The following NIPAL3 variants were observed in gnomAD, a reference collection of about 807,000 sequenced individuals.
NIPAL3 encodes NIPA like domain containing 3, also known as NIPA-like protein 3.
A neutral mutation model predicts 47.2 loss-of-function variants in NIPAL3; 41 were observed. The ratio of observed to expected loss-of-function variants is 0.87; its 90% CI spans 0.68 to 1.13. NIPAL3 has a LOEUF of 1.13. Ranked by LOEUF, NIPAL3 falls within the 50% of genes most tolerant of loss-of-function variation. The pLI, the probability that NIPAL3 is intolerant of heterozygous loss-of-function variation, is 0.00. For missense variants in NIPAL3, 449 were observed against 530.1 expected, an observed-to-expected ratio of 0.85 and a Z score of 1.50; for synonymous variants, 194 against 209.6, an observed-to-expected ratio of 0.93 and a Z score of 0.64.
In NIPAL3 at chr1:24,454,338, C is replaced by A; in HGVS notation, c.637+834C>A. The A allele has an allele frequency of 9.1e-7, 1 of 1,095,494 alleles. No individual in the cohort carries two copies. Among genetic ancestry groups the A allele is most frequent in the East Asian group, 8.4e-5 (1 of 11,926 alleles). The allele number at this position is 1,095,494 out of a possible 1,614,324, so 67.9% of individuals were successfully genotyped here. ...CTCTTGAGTGGCCTCAGGCTAATGA[C>A]CCTCCCTCCTTAAGCCACGCTGTCC... On this transcript the variant is annotated intron_variant, in intron 7 of 11. Transcript: ENST00000374399. The surrounding 1 kb of genome is among the most constrained non-coding windows in gnomAD (Gnocchi z 4.1).
chr1:24,449,943 A>T lies in NIPAL3; in HGVS notation c.540+317A>T, dbSNP rs542359147. Among the ~76,000 whole-genome samples, 1 of 152,328 alleles carries T rather than the reference A, an allele frequency of 6.6e-6. No homozygotes were observed. The highest frequency in any genetic ancestry group is 2.4e-5 in the African/African-American group (1 of 41,580). On this transcript the variant is annotated intron_variant, in intron 6 of 11. Transcript: ENST00000374399. The surrounding 1 kb of genome is among the most constrained non-coding windows in gnomAD (Gnocchi z 4.5). Reference sequence around the variant, plus strand: ...CTCATTTTATACTCAACAGAAATGCATACATGTGTTTCTCAAATGACATGT... The same window carrying T: ...CTCATTTTATACTCAACAGAAATGCTTACATGTGTTTCTCAAATGACATGT...
chr1:24,460,471 G>T lies in NIPAL3; in HGVS notation c.863-10G>T. 1 of 1,585,590 alleles carries T rather than the reference G, an allele frequency of 6.3e-7. No individual in the cohort carries two copies. Among genetic ancestry groups the T allele is most frequent in the Non-Finnish European group, 8.6e-7 (1 of 1,168,426 alleles). On this transcript the variant is annotated splice_polypyrimidine_tract_variant and intron_variant, in intron 9 of 11. Coordinates refer to ENST00000374399, the MANE Select transcript of NIPAL3 (RefSeq NM_020448.5). ...AGCTCAGCGGTATTTTCTATGATTTGCTGCTGCAGGTGCAATATTTTACCT... is the reference window on the plus strand; with the variant it reads ...AGCTCAGCGGTATTTTCTATGATTTTCTGCTGCAGGTGCAATATTTTACCT...
intron 10 of NIPAL3, 73 bp downstream of exon 10, chr1:24,460,617 C>A: frequency 1.6e-6 from 2 of 1,258,418 alleles, no homozygotes; most frequent in Non-Finnish European, 1.1e-6. Flanking sequence ...CTCTCTCTCC[C>A]TTATTGCTAC....
rs1436471669 is a variant in NIPAL3, at chr1:24,451,815, G to T, written c.541-1593G>T. 6.6e-6 allele frequency among the ~76,000 whole-genome samples: 1 copy of T among 152,214 alleles called. No homozygotes were observed. The highest frequency in any genetic ancestry group is 6.5e-5 in the Admixed American group (1 of 15,282). On this transcript the variant is annotated intron_variant, in intron 6 of 11. Coordinates refer to ENST00000374399, the MANE Select transcript of NIPAL3 (RefSeq NM_020448.5). The surrounding 1 kb of genome is among the most constrained non-coding windows in gnomAD (Gnocchi z 4.5). ...ATGATTGACAGCACATCCACTTGATGAAGTATTCTGCAGCAATTAAAGATA... is the reference window on the plus strand; with the variant it reads ...ATGATTGACAGCACATCCACTTGATTAAGTATTCTGCAGCAATTAAAGATA...
At chr1:24,440,865 A>G (rs1403310982) in intron 3 of NIPAL3, among the ~76,000 whole-genome samples, 3 of 152,174 alleles carry the variant, frequency 2.0e-5, no homozygotes, top group African/African-American at 7.2e-5. Flanking sequence ...ATCCTCTGCT[A>G]GGATGATTCT....
Position 24,419,273 on chromosome 1 carries a change from T to A in NIPAL3, c.-257-18T>A. 1 of 1,117,446 alleles carries A rather than the reference T, an allele frequency of 8.9e-7. No homozygotes were observed. Among genetic ancestry groups the A allele is most frequent in the Non-Finnish European group, 1.1e-6 (1 of 913,858 alleles). The allele number at this position is 1,117,446 out of a possible 1,614,324, so 69.2% of individuals were successfully genotyped here. A position where few individuals can be genotyped will look rare whatever the true frequency, so the allele number is the denominator to read the frequency against. On this transcript the variant is annotated intron_variant, in intron 1 of 11. Coordinates refer to ENST00000374399, the MANE Select transcript of NIPAL3 (RefSeq NM_020448.5). ...TTCCTTGTCCATGCATTTTTAATGT[T>A]CCTCTCCACCACCCTAGAGCACCGC... is the stretch of plus-strand genomic sequence containing the variant.
intron 2 of NIPAL3, among the ~76,000 whole-genome samples, chr1:24,431,976 T>C (rs1644901031): frequency 6.6e-6 from 1 of 151,602 alleles, no homozygotes; most frequent in African/African-American, 2.4e-5. Flanking sequence ...GCCTTTCCTG[T>C]GTAGCCCTAA....
At position 24,454,718 on chromosome 1, in the gene NIPAL3, C is replaced by T. The variant is rs1016882435; in HGVS notation, c.637+1214C>T. The T allele has an allele frequency of 1.5e-5, 4 of 266,696 alleles. No homozygotes were observed. The highest frequency in any genetic ancestry group is 2.3e-5 in the Non-Finnish European group (4 of 172,826). The allele number at this position is 266,696 out of a possible 1,614,324, so 16.5% of individuals were successfully genotyped here. A position where few individuals can be genotyped will look rare whatever the true frequency, so the allele number is the denominator to read the frequency against. The stretch of plus-strand genomic sequence containing the variant: ...CCCTGTGCCCATTAGCAGTCACTCC[C>T]TGTTCCCCTTTTCCCAGCCTCAGGC... On this transcript the variant is annotated intron_variant, in intron 7 of 11. Coordinates refer to ENST00000374399, the MANE Select transcript of NIPAL3 (RefSeq NM_020448.5). This position sits in a 1 kb window ranked among gnomAD's most constrained non-coding sequence, Gnocchi z 4.1.
At chr1:24,456,774 G>A (rs1261861339) in intron 8 of NIPAL3, among the ~76,000 whole-genome samples, 1 of 152,092 alleles carries the variant, frequency 6.6e-6, no homozygotes, top group East Asian at 1.9e-4. Context: ...TTGTTTGTTT[G>A]TTTTTTGAGA....
At chr1:24,457,658 G>A (rs1646279121) in intron 8 of NIPAL3, 5 of 484,746 alleles carry the variant, frequency 1.0e-5, no homozygotes, top group Non-Finnish European at 2.1e-5. Context: ...GAAAGTGGCG[G>A]AGCTGAGATC....
At chr1:24,460,572 A>G (rs1646425017) in intron 10 of NIPAL3, 28 bp downstream of exon 10, 8 of 1,536,454 alleles carry the variant, frequency 5.2e-6, no homozygotes, top group Non-Finnish European at 7.0e-6. Flanking sequence ...TGCCAGCCCC[A>G]AAACATTGTG....
chr1:24,454,349 T>A lies in NIPAL3; in HGVS notation c.637+845T>A. On this transcript the variant is annotated intron_variant, in intron 7 of 11. Coordinates refer to ENST00000374399, the MANE Select transcript of NIPAL3 (RefSeq NM_020448.5). This position sits in a 1 kb window ranked among gnomAD's most constrained non-coding sequence, Gnocchi z 4.1. The stretch of plus-strand genomic sequence containing the variant: ...CCTCAGGCTAATGACCCTCCCTCCT[T>A]AAGCCACGCTGTCCACTTCTCTAAA... 6.4e-6 allele frequency: 7 copies of A among 1,085,726 alleles called. No individual in the cohort carries two copies. The highest frequency in any genetic ancestry group is 6.7e-6 in the Non-Finnish European group (6 of 889,004). 67.3% of individuals were successfully genotyped at this position (1,085,726 alleles called of 1,614,324 possible).
Position 24,440,228 on chromosome 1 carries a change from A to G in NIPAL3, c.150A>G (p.Ala50=). The change falls in exon 3 of 12, where the codon GCA becomes GCG. Residue 50 remains alanine (A), a synonymous_variant. Transcript: ENST00000374399. ...AIFGHLVVSI[A]LNLQKYCHIR... Reference sequence around the variant, plus strand: ...TCGGGCACCTCGTGGTCAGCATTGCACTTAACCTCCAGGTAAGTTTCAGTT... The same window carrying G: ...TCGGGCACCTCGTGGTCAGCATTGCGCTTAACCTCCAGGTAAGTTTCAGTT... 2 of 1,593,626 alleles carry G rather than the reference A, an allele frequency of 1.3e-6. No individual in the cohort carries two copies. Among genetic ancestry groups the G allele is most frequent in the African/African-American group, 1.4e-5 (1 of 74,038 alleles).
chr1:24,421,328 G>A (rs993172407), intron 2 of NIPAL3, among the ~76,000 whole-genome samples: 1 of 151,934 alleles, frequency 6.6e-6, no homozygotes, highest in African/African-American at 2.4e-5. Flanking sequence ...CTCCAGCCTG[G>A]GTGAGAGAGT....
upstream of NIPAL3, chr1:24,414,769 T>TA (rs2148726332): frequency 6.6e-6 from 1 of 152,172 alleles, no homozygotes; most frequent in South Asian, 2.1e-4. Context: ...CTCCTGGGCT[T>TA]AAGTGATCCT....
intron 11 of NIPAL3, among the ~76,000 whole-genome samples, chr1:24,466,865 C>A (rs1175278451): frequency 6.6e-6 from 1 of 152,208 alleles, no homozygotes; most frequent in Non-Finnish European, 1.5e-5. Context: ...AGCACAGACT[C>A]TTAAACTGTG....
Position 24,454,794 on chromosome 1 carries a change from C to T in NIPAL3, c.637+1290C>T, listed in dbSNP as rs1483409449. ...GTAGATTTGCCTTTTTGAACACCTT[C>T]ATAAATAAAGTCGTATGCTTTGTGG... On this transcript the variant is annotated intron_variant, in intron 7 of 11. Transcript: ENST00000374399. The surrounding 1 kb of genome is among the most constrained non-coding windows in gnomAD (Gnocchi z 4.1). 1 of 153,444 alleles carries T rather than the reference C, an allele frequency of 6.5e-6. No individual in the cohort carries two copies. Among genetic ancestry groups the T allele is most frequent in the East Asian group, 1.9e-4 (1 of 5,208 alleles). The allele number at this position is 153,444 out of a possible 1,614,324, so 9.5% of individuals were successfully genotyped here. A position where few individuals can be genotyped will look rare whatever the true frequency, so the allele number is the denominator to read the frequency against.
chr1:24,423,914 GGTTA>G (rs1177333942), intron 2 of NIPAL3, among the ~76,000 whole-genome samples: 1 of 152,124 alleles, frequency 6.6e-6, no homozygotes, highest in East Asian at 1.9e-4. Context: ...GCTCTGGATT[GGTTA>G]GTTAGCATAT....
chr1:24,446,026 C>T (rs939389163), intron 5 of NIPAL3, among the ~76,000 whole-genome samples: 18 of 150,010 alleles, frequency 1.2e-4, no homozygotes, highest in African/African-American at 4.4e-4. Context: ...GCTGGGAATA[C>T]AGCAGTAGGA....
Sources: allele counts gnomAD v4.1 joint callset (sites outside exome capture counted in the v4.1 genomes callset), GRCh38; gene constraint gnomAD v4.1.1; non-coding constraint Gnocchi (gnomAD v3.1); transcripts MANE v1.5; gene names NCBI Gene and HGNC (gene_info 2026-07-23, HGNC 2026-07-21).